The following SGCZ variants were observed in gnomAD, a reference collection of about 807,000 sequenced individuals.
SGCZ encodes sarcoglycan zeta, also known as zeta-sarcoglycan.
Under a neutral mutation model 41.3 loss-of-function variants are expected in SGCZ, and 40 were observed. The ratio of observed to expected loss-of-function variants is 0.97; its 90% CI spans 0.75 to 1.26. The LOEUF (loss-of-function observed/expected upper bound fraction) is 1.26. Among genes scored for constraint, SGCZ ranks in the 50% most tolerant of loss-of-function variants. The probability of loss-of-function intolerance (pLI) is 0.00; values close to 1 mark genes in which losing one functional copy is unlikely to be tolerated. For synonymous variants in SGCZ, 206 were observed against 137.5 expected, an observed-to-expected ratio of 1.50 and a Z score of -3.49; for missense variants, 552 against 369.8, an observed-to-expected ratio of 1.49 and a Z score of -4.04.
chr8:14,189,683 T>C (rs1258583774), intron 4 of SGCZ, among the ~76,000 whole-genome samples: 1 of 152,250 alleles, frequency 6.6e-6, no homozygotes, highest in Non-Finnish European at 1.5e-5. Context: ...CTTTACATTG[T>C]TGGTGGCCTT....
At chr8:14,635,291 G>T (rs1806792053) in intron 1 of SGCZ, among the ~76,000 whole-genome samples, 1 of 151,362 alleles carries the variant, frequency 6.6e-6, no homozygotes, top group South Asian at 2.1e-4. Flanking sequence ...TTATGAAAAG[G>T]GTCACCTTTT....
chr8:14,594,079 G>A lies in SGCZ; in HGVS notation c.40-39153C>T, dbSNP rs575600225. On this transcript the variant is annotated intron_variant, in intron 1 of 7. Coordinates refer to ENST00000382080, the MANE Select transcript of SGCZ (RefSeq NM_139167.4). ...GGACCCCACTACTCAGGAGGCTGAC[G>A]TGGGAGAATTGCTTCAGCCCGGGAG... 3.3e-5 allele frequency among the ~76,000 whole-genome samples: 5 copies of A among 152,078 alleles called. No individual in the cohort carries two copies. The East Asian group carries it at 5.8e-4, about 18-fold the overall frequency.
chr8:14,616,015 G>T (rs1209046050), intron 1 of SGCZ, among the ~76,000 whole-genome samples: 1 of 152,132 alleles, frequency 6.6e-6, no homozygotes, highest in South Asian at 2.1e-4. Context: ...TGGGCGCAGT[G>T]GCTCAGGCCT....
intron 1 of SGCZ, among the ~76,000 whole-genome samples, chr8:15,097,814 ACGTG>A (rs1806413851): frequency 1.1e-5 from 1 of 94,030 alleles, no homozygotes; most frequent in Admixed American, 1.0e-4. Context: ...ATATATATAT[ACGTG>A]TGTGTATATA....
At chr8:14,630,236 A>ATTT (rs10547341) in intron 1 of SGCZ, among the ~76,000 whole-genome samples, 2 of 147,138 alleles carry the variant, frequency 1.4e-5, no homozygotes, top group African/African-American at 5.0e-5. Context: ...ATGTGTTTTG[A>ATTT]TTTTTTTTTT....
chr8:14,498,626 T>A (rs1053265499), intron 2 of SGCZ, among the ~76,000 whole-genome samples: 1 of 152,074 alleles, frequency 6.6e-6, no homozygotes, highest in Non-Finnish European at 1.5e-5. Context: ...TCCTTTTAAC[T>A]TTTTCTACAT....
At position 15,174,883 on chromosome 8, in the gene SGCZ, T is replaced by G. The variant is rs149255882; in HGVS notation, c.39+62702A>C. On this transcript the variant is annotated intron_variant, in intron 1 of 7. Coordinates refer to ENST00000382080, the MANE Select transcript of SGCZ (RefSeq NM_139167.4). ...AAGGTTGTGGAGTCAAAGTAATGCT[T>G]ACACACTGTTGGGAGGAGTGTAAAT... Among the ~76,000 whole-genome samples the G allele has an allele frequency of 3.9e-3, 598 of 152,276 alleles. 3 individuals are homozygous for G. Among genetic ancestry groups the G allele is most frequent in the African/African-American group, 0.014 (571 of 41,520 alleles).
chr8:14,219,141 C>T (rs996685059), intron 4 of SGCZ, among the ~76,000 whole-genome samples: 1 of 152,062 alleles, frequency 6.6e-6, no homozygotes, highest in Non-Finnish European at 1.5e-5. Context: ...TTGTGATGTG[C>T]GAAGAAAAGT....
At chr8:14,157,512 T>G (rs1803914250) in intron 5 of SGCZ, among the ~76,000 whole-genome samples, 1 of 151,160 alleles carries the variant, frequency 6.6e-6, no homozygotes, top group South Asian at 2.1e-4. Flanking sequence ...TATTTGATAA[T>G]ACTATTTTTA....
At chr8:14,663,821 C>A (rs1292779574) in intron 1 of SGCZ, among the ~76,000 whole-genome samples, 1 of 152,112 alleles carries the variant, frequency 6.6e-6, no homozygotes, top group Non-Finnish European at 1.5e-5. Context: ...ATTTTATGTT[C>A]TCCTTTAATC....
chr8:14,146,229 G>A (rs530298650), intron 5 of SGCZ, among the ~76,000 whole-genome samples: 1 of 152,214 alleles, frequency 6.6e-6, no homozygotes, highest in Non-Finnish European at 1.5e-5. Context: ...GCTCCAACAG[G>A]TCTGGCAGCC....
intron 1 of SGCZ, among the ~76,000 whole-genome samples, chr8:14,587,665 G>A (rs1805104827): frequency 6.6e-6 from 1 of 152,092 alleles, no homozygotes. Context: ...CAATCTAATA[G>A]GAAGCAGATG....
chr8:14,615,588 G>T (rs2202989), intron 1 of SGCZ, among the ~76,000 whole-genome samples: 29,667 of 152,186 alleles, frequency 0.19, 3,654 homozygotes, highest in Non-Finnish European at 0.28. Context: ...TTTCACAGAT[G>T]ATGGATCCTA....
intron 3 of SGCZ, among the ~76,000 whole-genome samples, chr8:14,261,945 G>A (rs1377511422): frequency 6.6e-6 from 1 of 152,052 alleles, no homozygotes; most frequent in Non-Finnish European, 1.5e-5. Flanking sequence ...TAAAGATCTG[G>A]TTTTACTCAC....
At chr8:14,364,574 A>G (rs146356742) in intron 2 of SGCZ, among the ~76,000 whole-genome samples, 3,106 of 152,142 alleles carry the variant, frequency 0.02, 90 homozygotes, top group African/African-American at 0.058. Flanking sequence ...AAACTGCTAT[A>G]TCATTGCTTT....
intron 7 of SGCZ, among the ~76,000 whole-genome samples, chr8:14,098,014 T>C (rs889770553): frequency 6.6e-6 from 1 of 152,194 alleles, no homozygotes; most frequent in Admixed American, 6.5e-5. Context: ...ACACCTTACT[T>C]TCCCTGCTAA....
intron 1 of SGCZ, among the ~76,000 whole-genome samples, chr8:15,003,334 T>C (rs1304885480): frequency 6.6e-6 from 1 of 152,116 alleles, no homozygotes. Flanking sequence ...TTTTTATGTA[T>C]AAATTACTCA....
intron 1 of SGCZ, among the ~76,000 whole-genome samples, chr8:15,205,438 C>G (rs961287601): frequency 5.3e-5 from 8 of 151,930 alleles, no homozygotes; most frequent in Non-Finnish European, 8.8e-5. Context: ...AAAAAGTGGG[C>G]AAAGGACATG....
intron 2 of SGCZ, among the ~76,000 whole-genome samples, chr8:14,435,501 T>C (rs1434998075): frequency 2.6e-5 from 4 of 152,160 alleles, no homozygotes; most frequent in African/African-American, 7.2e-5. Context: ...ACCCCAATCA[T>C]GCGATCATAT....
Sources: allele counts gnomAD v4.1 joint callset (sites outside exome capture counted in the v4.1 genomes callset), GRCh38; gene constraint gnomAD v4.1.1; transcripts MANE v1.5; gene names NCBI Gene and HGNC (gene_info 2026-07-23, HGNC 2026-07-21).